PLD5: variants seen among roughly 807,000 people sequenced by gnomAD.
The protein encoded by PLD5 is inactive phospholipase D5.
Under a neutral mutation model 61.1 loss-of-function variants are expected in PLD5, and 36 were observed. The observed-to-expected ratio is 0.59, with a 90% CI of 0.45 to 0.78. PLD5 has a LOEUF of 0.78. Ranked by LOEUF, PLD5 falls within the 30% of genes least tolerant of loss-of-function variation. The probability of loss-of-function intolerance (pLI) is 0.00; values close to 1 mark genes in which losing one functional copy is unlikely to be tolerated. For missense variants in PLD5, 515 were observed against 644.4 expected, an observed-to-expected ratio of 0.80 and a Z score of 2.17; for synonymous variants, 243 against 242.8, an observed-to-expected ratio of 1.00 and a Z score of -0.01.
intron 1 of PLD5, among the ~76,000 whole-genome samples, chr1:242,461,220 T>C (rs1667109743): frequency 6.6e-6 from 1 of 152,224 alleles, no homozygotes; most frequent in African/African-American, 2.4e-5. Context: ...GTTTGTTGAA[T>C]AGAATAGAAC....
At position 242,486,690 on chromosome 1, in the gene PLD5, A is replaced by C. The variant is rs571592048; in HGVS notation, c.189+37398T>G. 1.6e-4 allele frequency among the ~76,000 whole-genome samples: 25 copies of C among 152,252 alleles called. 1 individual carries two copies. The South Asian group carries it at 4.8e-3, about 29-fold the overall frequency. On this transcript the variant is annotated intron_variant, in intron 1 of 9. Transcript: ENST00000536534. Reference sequence around the variant, plus strand: ...GATCTAGAACTAGAAATACCATTTGACCCAGCCATCCCATTACTGGGTATA... The same window carrying C: ...GATCTAGAACTAGAAATACCATTTGCCCCAGCCATCCCATTACTGGGTATA...
chr1:242,411,986 C>T (rs1023856640), intron 1 of PLD5, among the ~76,000 whole-genome samples: 1 of 151,928 alleles, frequency 6.6e-6, no homozygotes, highest in East Asian at 1.9e-4. Context: ...TGGGTACATA[C>T]TGTGAGACTT....
At chr1:242,285,882 T>C (rs1002001247) in intron 3 of PLD5, among the ~76,000 whole-genome samples, 10 of 152,022 alleles carry the variant, frequency 6.6e-5, no homozygotes, top group Admixed American at 3.9e-4. Context: ...CCAAGGCGGG[T>C]GGATCACTTG....
Position 242,472,308 on chromosome 1 carries a change from A to T in PLD5, c.189+51780T>A, listed in dbSNP as rs144218701. Reference sequence around the variant, plus strand: ...ATTCTCAGATGGTTGATGAATAAGGAGCACACTTTGTTTGCTTCGATGCCT... The same window carrying T: ...ATTCTCAGATGGTTGATGAATAAGGTGCACACTTTGTTTGCTTCGATGCCT... On this transcript the variant is annotated intron_variant, in intron 1 of 9. Coordinates refer to ENST00000536534, the MANE Select transcript of PLD5 (RefSeq NM_001372062.1). Among the ~76,000 whole-genome samples, 16 of 152,312 alleles carry T rather than the reference A, an allele frequency of 1.1e-4. No individual in the cohort carries two copies. In the East Asian group the frequency reaches 2.1e-3, roughly 20 times the overall value.
rs1241225282 is a variant in PLD5 at position 242,382,933 on chromosome 1, C to CTAAATTT, written c.190-34692_190-34691insAAATTTA. ...TGATATGTCTTTAGCAAAATATTTG[C>CTAAATTT]AGGTGTAAAAATCATTTCTCTTAGA... On this transcript the variant is annotated intron_variant, in intron 1 of 9. Transcript: ENST00000536534. Among the ~76,000 whole-genome samples, 481 of 152,260 alleles carry CTAAATTT rather than the reference C, an allele frequency of 3.2e-3. 4 individuals are homozygous for CTAAATTT. The highest frequency in any genetic ancestry group is 0.011 in the African/African-American group (458 of 41,540).
chr1:242,226,308 G>A (rs1670939087), intron 4 of PLD5, among the ~76,000 whole-genome samples: 2 of 152,054 alleles, frequency 1.3e-5, no homozygotes, highest in Non-Finnish European at 2.9e-5. Context: ...AATGTGACGC[G>A]TCAGGACCAT....
intron 1 of PLD5, among the ~76,000 whole-genome samples, chr1:242,454,234 G>A (rs894361391): frequency 1.3e-5 from 2 of 151,892 alleles, no homozygotes; most frequent in African/African-American, 4.8e-5. Flanking sequence ...TCGAGAAGCT[G>A]AGGCAGGAGA....
intron 1 of PLD5, among the ~76,000 whole-genome samples, chr1:242,397,868 G>A (rs1572065153): frequency 6.6e-6 from 1 of 151,454 alleles, no homozygotes; most frequent in Non-Finnish European, 1.5e-5. Context: ...CACTAAAAAG[G>A]GAGAAACACA....
intron 1 of PLD5, chr1:242,449,552 A>G (rs1432799302): frequency 6.9e-7 from 1 of 1,442,734 alleles, no homozygotes; most frequent in Admixed American, 2.7e-5. Context: ...GAGCACGAAG[A>G]GAGAAAGGGC....
chr1:242,128,386 G>A (rs867721860), intron 5 of PLD5, among the ~76,000 whole-genome samples: 2 of 150,944 alleles, frequency 1.3e-5, no homozygotes, highest in Non-Finnish European at 2.9e-5. Flanking sequence ...TAATCTTCAT[G>A]TGGATGTTTG....
intron 1 of PLD5, among the ~76,000 whole-genome samples, chr1:242,390,362 C>A (rs2654861): frequency 0.46 from 69,275 of 152,006 alleles, 16,048 homozygotes; most frequent in East Asian, 0.58. Context: ...CAGAGAGAAA[C>A]AAGGAGAAAT....
At chr1:242,154,378 T>C (rs569886073) in intron 5 of PLD5, among the ~76,000 whole-genome samples, 3 of 152,270 alleles carry the variant, frequency 2.0e-5, no homozygotes, top group African/African-American at 7.2e-5. Context: ...TCCAATACTA[T>C]GTTGAATAGG....
intron 1 of PLD5, chr1:242,365,809 C>T (rs1407929641): frequency 1.2e-5 from 2 of 173,002 alleles, no homozygotes; most frequent in African/African-American, 2.4e-5. Context: ...CATGGGCAAG[C>T]CCCCAGTGCC....
At chr1:242,181,562 A>G (rs1048931069) in intron 5 of PLD5, among the ~76,000 whole-genome samples, 1 of 152,144 alleles carries the variant, frequency 6.6e-6, no homozygotes, top group Non-Finnish European at 1.5e-5. Flanking sequence ...AACATTAAAC[A>G]TCCTCTGCCT....
At chr1:242,496,471 T>C (rs2102984680) in intron 1 of PLD5, among the ~76,000 whole-genome samples, 1 of 152,360 alleles carries the variant, frequency 6.6e-6, no homozygotes, top group South Asian at 2.1e-4. Context: ...TTATCAAACA[T>C]CACTTGATTA....
chr1:242,269,384 A>T (rs902598569), intron 3 of PLD5, among the ~76,000 whole-genome samples: 77 of 151,746 alleles, frequency 5.1e-4, no homozygotes, highest in Non-Finnish European at 9.7e-4. Flanking sequence ...CCCCCAAAAT[A>T]GAGATCCAGC....
At position 242,485,956 on chromosome 1, in the gene PLD5, A is replaced by C. The variant is rs143770078; in HGVS notation, c.189+38132T>G. ...CTTTGACAAACCTGACAAAAACAAG[A>C]AATGGGGAAAGGATTCCCTATTTAA... On this transcript the variant is annotated intron_variant, in intron 1 of 9. Transcript: ENST00000536534. 8.2e-3 allele frequency among the ~76,000 whole-genome samples: 1,249 copies of C among 152,166 alleles called. 20 individuals are homozygous for C. The highest frequency in any genetic ancestry group is 0.028 in the African/African-American group (1,168 of 41,516).
Position 242,421,463 on chromosome 1 carries a change from A to T in PLD5, c.190-73221T>A, listed in dbSNP as rs74653417. Among the ~76,000 whole-genome samples the T allele has an allele frequency of 7.2e-3, 1,103 of 152,294 alleles. 50 individuals carry two copies. The highest frequency in any genetic ancestry group is 0.066 in the Admixed American group (1,001 of 15,280). On this transcript the variant is annotated intron_variant, in intron 1 of 9. Coordinates refer to ENST00000536534, the MANE Select transcript of PLD5 (RefSeq NM_001372062.1). ...GAAGGTCAATCTGAACCTTGTAATC[A>T]CAACAAACACTTCTATTCAGAAGTT...
chr1:242,524,324 C>A lies in PLD5; in HGVS notation c.-48G>T, dbSNP rs780846077. The A allele has an allele frequency of 9.6e-6, 13 of 1,355,048 alleles. No individual in the cohort carries two copies. The South Asian group carries it at 2.1e-4, about 22-fold the overall frequency. The allele number at this position is 1,355,048 out of a possible 1,614,324, so 83.9% of individuals were successfully genotyped here. A position where few individuals can be genotyped will look rare whatever the true frequency, so the allele number is the denominator to read the frequency against. ...CGGCGAGCAGCGGACTCGGGACGGG[C>A]GCGCGGGGAGCCGGGCGCGGAGGGC... On this transcript the variant is annotated 5_prime_UTR_variant, in exon 1 of 10. Transcript: ENST00000536534.
Sources: allele counts gnomAD v4.1 joint callset (sites outside exome capture counted in the v4.1 genomes callset), GRCh38; gene constraint gnomAD v4.1.1; transcripts MANE v1.5; gene names NCBI Gene and HGNC (gene_info 2026-07-23, HGNC 2026-07-21).